Variants in SERPINB7 observed in about 807,000 individuals in gnomAD.
The protein encoded by SERPINB7 is serpin B7.
In SERPINB7, 31 loss-of-function variants were observed where a neutral mutation model predicts 37.4. That is an observed-to-expected ratio of 0.83 (90% CI 0.62 to 1.12). The LOEUF is 1.12. Among genes scored for constraint, SERPINB7 ranks in the 50% most tolerant of loss-of-function variants. SERPINB7 has a pLI of 0.00. For synonymous variants in SERPINB7, 163 were observed against 166.1 expected (o/e 0.98, Z 0.14); for missense variants, 521 against 455.3 (o/e 1.14, Z -1.31).
At chr18:63,770,218 T>C (rs1170191849) in intron 1 of SERPINB7, among the ~76,000 whole-genome samples, 1 of 150,696 alleles carries the variant, frequency 6.6e-6, no homozygotes, top group Non-Finnish European at 1.5e-5. Flanking sequence ...GGACCTCTGG[T>C]TAGAGAGATT....
chr18:63,776,752 C>T (rs910921106), intron 1 of SERPINB7, among the ~76,000 whole-genome samples: 1 of 151,190 alleles, frequency 6.6e-6, no homozygotes, highest in Non-Finnish European at 1.5e-5. Flanking sequence ...TAATTTTATC[C>T]ACAGTTGATC....
In SERPINB7 at chr18:63,766,326, G is replaced by A. The variant is rs1180958995; in HGVS notation, c.-19+13206G>A. Among the ~76,000 whole-genome samples the A allele has an allele frequency of 2.0e-5, 3 of 152,170 alleles. No homozygotes were observed. In the East Asian group the frequency reaches 5.8e-4, roughly 29 times the overall value. On this transcript the variant is annotated intron_variant, in intron 1 of 7. Coordinates refer to the SERPINB7 transcript ENST00000336429. The stretch of plus-strand genomic sequence containing the variant: ...CCTTTAAAAGAAAAAGAGGGAGAAT[G>A]AATCTTGGGTATTAACATTCTTGGA...
intron 7 of SERPINB7, among the ~76,000 whole-genome samples, chr18:63,803,961 A>G (rs553681411): frequency 1.6e-4 from 25 of 152,274 alleles, no homozygotes; most frequent in African/African-American, 5.8e-4. Context: ...CGTTGGCTGT[A>G]TCTGCTCATG....
rs1967667656 is a variant in SERPINB7, at chr18:63,792,410, T to C, written c.186T>C (p.Thr62=). 3 of 1,604,600 alleles carry C rather than the reference T, an allele frequency of 1.9e-6. No homozygotes were observed. The highest frequency in any genetic ancestry group is 1.3e-5 in the African/African-American group (1 of 74,828). The part of the protein sequence containing the change: ...SQIDKLLHVN[T]ASGYGNSSNS... ...GTTTACAGTTGCTTCATGTTAACAC[T>C]GCCTCAGGATATGGAAACTCTTCTA... Residue 62 remains threonine (T), a synonymous_variant, in exon 3 of 8, where the codon ACT becomes ACC. Coordinates refer to ENST00000398019, the MANE Select transcript of SERPINB7 (RefSeq NM_003784.4).
intron 1 of SERPINB7, among the ~76,000 whole-genome samples, chr18:63,763,850 T>C (rs1489073200): frequency 6.6e-6 from 1 of 152,196 alleles, no homozygotes; most frequent in Non-Finnish European, 1.5e-5. Context: ...TCAAGGAAAT[T>C]TCTAATGTCT....
At chr18:63,782,647 G>A in intron 2 of SERPINB7, 107 bp downstream of exon 2, 1 of 1,090,094 alleles carries the variant, frequency 9.2e-7, no homozygotes, top group Non-Finnish European at 1.3e-6. Flanking sequence ...GAGGCACAAG[G>A]TGTCACATCT....
chr18:63,784,890 A>T (rs1029764493), intron 2 of SERPINB7, among the ~76,000 whole-genome samples: 1 of 152,178 alleles, frequency 6.6e-6, no homozygotes, highest in Non-Finnish European at 1.5e-5. Flanking sequence ...GTCAGGAGCA[A>T]TCTTTCAGCT....
chr18:63,796,420 G>C (rs754090222), intron 5 of SERPINB7, 37 bp downstream of exon 5: 1 of 1,206,390 alleles, frequency 8.3e-7, no homozygotes, highest in Non-Finnish European at 1.2e-6. Context: ...TACAAGATTT[G>C]TCAGTTATAT....
intron 7 of SERPINB7, among the ~76,000 whole-genome samples, chr18:63,801,670 G>A (rs1170713183): frequency 6.6e-6 from 1 of 152,154 alleles, no homozygotes; most frequent in Non-Finnish European, 1.5e-5. Context: ...TCACAAGCGT[G>A]TGTAAAACTG....
chr18:63,781,316 G>A (rs973435180), intron 1 of SERPINB7, among the ~76,000 whole-genome samples: 4 of 152,170 alleles, frequency 2.6e-5, no homozygotes, highest in African/African-American at 9.7e-5. Context: ...CACTGAACAA[G>A]ATGAAACTTA....
intron 1 of SERPINB7, among the ~76,000 whole-genome samples, chr18:63,769,794 T>G (rs2049199973): frequency 6.6e-6 from 1 of 152,044 alleles, no homozygotes; most frequent in Admixed American, 6.6e-5. Context: ...AATGGAACAG[T>G]GGTGAACTCA....
chr18:63,755,150 C>A (rs1052620431), intron 1 of SERPINB7, among the ~76,000 whole-genome samples: 76 of 152,056 alleles, frequency 5.0e-4, no homozygotes, highest in Non-Finnish European at 8.7e-4. Context: ...ATGATCCACC[C>A]GCCTCGGCCT....
At chr18:63,765,455 G>A (rs2144589572) in intron 1 of SERPINB7, among the ~76,000 whole-genome samples, 1 of 152,098 alleles carries the variant, frequency 6.6e-6, no homozygotes, top group Non-Finnish European at 1.5e-5. Context: ...TCTCTGATTT[G>A]TTTTCTAGAG....
At chr18:63,792,647 G>A (rs560148217) in intron 3 of SERPINB7, among the ~76,000 whole-genome samples, 1 of 152,254 alleles carries the variant, frequency 6.6e-6, no homozygotes, top group East Asian at 1.9e-4. Context: ...GGGGGGCTAT[G>A]GTGGGAGGTT....
chr18:63,784,335 C>T (rs1278974198), intron 2 of SERPINB7, among the ~76,000 whole-genome samples: 1 of 152,154 alleles, frequency 6.6e-6, no homozygotes, highest in Non-Finnish European at 1.5e-5. Flanking sequence ...CTCTCATCAA[C>T]AACTACCCGC....
At chr18:63,790,859 A>G (rs1199963552) in intron 2 of SERPINB7, among the ~76,000 whole-genome samples, 1 of 152,222 alleles carries the variant, frequency 6.6e-6, no homozygotes, top group African/African-American at 2.4e-5. Context: ...TTGCAGCACT[A>G]TTCACAATAG....
At chr18:63,775,187 T>G (rs1340325728), upstream of SERPINB7, among the ~76,000 whole-genome samples, 2 of 152,188 alleles carry the variant, frequency 1.3e-5, no homozygotes, top group African/African-American at 4.8e-5. Context: ...CTGTTGATTC[T>G]GAAATTTGTT....
Position 63,798,679 on chromosome 18 carries a change from T to C in SERPINB7, c.530T>C (p.Phe177Ser), listed in dbSNP as rs769423314. The C allele has an allele frequency of 1.6e-5, 26 of 1,613,114 alleles. 1 individual carries two copies. In the East Asian group the frequency reaches 2.7e-4, roughly 17 times the overall value. ...ATGGTGCTGGTGAATGCTGTGTACT[T>C]CAAAGGCAAGTGGCAATCAGCCTTC... ...AVMVLVNAVYFKGKWQSAFTK... is the reference protein window; with the variant it reads ...AVMVLVNAVYSKGKWQSAFTK... Residue 177 changes from phenylalanine (F) to serine (S), a missense_variant, in exon 6 of 8, where the codon TTC (phenylalanine) becomes TCC (serine). Transcript: ENST00000398019.
At chr18:63,782,320 C>T in intron 1 of SERPINB7, 35 bp from the exon 2 acceptor site, 2 of 1,237,956 alleles carry the variant, frequency 1.6e-6, no homozygotes, top group Non-Finnish European at 2.2e-6. Context: ...AGAAAATGTA[C>T]CGGGAACTAA....
Sources: gnomAD v4.1 joint callset for allele counts (sites outside exome capture counted in the v4.1 genomes callset) on GRCh38, gnomAD v4.1.1 for gene constraint, MANE v1.5 for transcripts, NCBI Gene and HGNC (gene_info 2026-07-23, HGNC 2026-07-21) for gene names.